Variants in SLC5A11 observed in about 807,000 individuals in gnomAD.
SLC5A11 encodes solute carrier family 5 member 11.
A neutral mutation model predicts 69.8 loss-of-function variants in SLC5A11; 48 were observed. The ratio of observed to expected loss-of-function variants is 0.69; its 90% CI spans 0.55 to 0.87. SLC5A11 has a LOEUF of 0.87. Among genes scored for constraint, SLC5A11 ranks in the 40% least tolerant of loss-of-function variants. The pLI is 0.00. For synonymous variants in SLC5A11, 319 were observed against 342.4 expected (o/e 0.93, Z 0.75); for missense variants, 784 against 866.1 (o/e 0.91, Z 1.19).
In SLC5A11 at chr16:24,901,958, G is replaced by GCGCACACACACACACACACA. The variant is rs976595625; in HGVS notation, c.1006+3850_1006+3851insGCACACACACACACACACAC. Reference sequence around the variant, plus strand: ...CACACACACACACACACACACACACGCACACACACACACACACACACACAT... The same window carrying GCGCACACACACACACACACA: ...CACACACACACACACACACACACACGCGCACACACACACACACACACACACACACACACACACACACACAT... On this transcript the variant is annotated intron_variant, in intron 10 of 15. Coordinates refer to ENST00000347898, the Ensembl canonical transcript of SLC5A11. Among the ~76,000 whole-genome samples the GCGCACACACACACACACACA allele has an allele frequency of 3.1e-3, 422 of 136,648 alleles. 4 individuals are homozygous for GCGCACACACACACACACACA. Among genetic ancestry groups the GCGCACACACACACACACACA allele is most frequent in the African/African-American group, 0.011 (401 of 36,434 alleles). 89.6% of individuals were successfully genotyped at this position (136,648 alleles called of 152,430 possible).
chr16:24,907,907 A>C lies in SLC5A11; in HGVS notation c.1266-56A>C. The C allele has an allele frequency of 1.9e-6, 3 of 1,575,032 alleles. No individual in the cohort carries two copies. In the East Asian group the frequency reaches 6.7e-5, roughly 35 times the overall value. On this transcript the variant is annotated intron_variant, in intron 12 of 15. Transcript: ENST00000347898. ...TCTATTAAAAGAGACAGAGAGAGGG[A>C]AAGAGGAGTAAATGTTCAGATGATG...
chr16:24,876,984 A>T, intron 6 of SLC5A11: 1 of 899,348 alleles, frequency 1.1e-6, no homozygotes, highest in Non-Finnish European at 1.5e-6. Context: ...TATGGTATTT[A>T]ATGAAGGTTG....
At chr16:24,910,532 G>GAT (rs2050440997) in intron 15 of SLC5A11, 55 bp downstream of exon 16, 1 of 1,374,968 alleles carries the variant, frequency 7.3e-7, no homozygotes. Flanking sequence ...TAAAGGGATT[G>GAT]ATTTTTTTTT....
chr16:24,849,922 G>C (rs190097794), intron 1 of SLC5A11, among the ~76,000 whole-genome samples: 47 of 151,854 alleles, frequency 3.1e-4, no homozygotes, highest in African/African-American at 1.0e-3. Context: ...CAAATCCTGA[G>C]ATGTCTTTTT....
In SLC5A11 at chr16:24,866,453, C is replaced by T. The variant is rs1056220932; in HGVS notation, c.208-3448C>T. On this transcript the variant is annotated intron_variant, in intron 3 of 15. Coordinates refer to ENST00000347898, the Ensembl canonical transcript of SLC5A11. Reference sequence around the variant, plus strand: ...ACCTCTACCAAAAATGCACATGTGCCTGTAGTCCCAGCTACTCAGGGAAGC... The same window carrying T: ...ACCTCTACCAAAAATGCACATGTGCTTGTAGTCCCAGCTACTCAGGGAAGC... Among the ~76,000 whole-genome samples, 7 of 151,688 alleles carry T rather than the reference C, an allele frequency of 4.6e-5. No homozygotes were observed. The East Asian group carries it at 1.2e-3, about 25-fold the overall frequency.
chr16:24,878,679 C>T (rs1181230874), intron 7 of SLC5A11, among the ~76,000 whole-genome samples: 2 of 152,148 alleles, frequency 1.3e-5, no homozygotes, highest in South Asian at 2.1e-4. Context: ...GTAAGCAAGA[C>T]AAATATCTCT....
chr16:24,890,718 A>C, intron 8 of SLC5A11, 151 bp from the exon 10 acceptor site: 2 of 680,824 alleles, frequency 2.9e-6, no homozygotes, highest in Middle Eastern at 3.4e-4. Flanking sequence ...TAAGTTAAAA[A>C]AATGTGGGGA....
At chr16:24,861,865 G>A (rs1465171123) in intron 2 of SLC5A11, 3 of 152,158 alleles carry the variant, frequency 2.0e-5, no homozygotes, top group Non-Finnish European at 4.4e-5. Flanking sequence ...GGGGCGTTTC[G>A]AGGGTGATTA....
intron 8 of SLC5A11, among the ~76,000 whole-genome samples, chr16:24,890,372 T>G (rs190935462): frequency 6.6e-6 from 1 of 151,028 alleles, no homozygotes; most frequent in East Asian, 2.0e-4. Context: ...TAATCCCAGC[T>G]ACTCAGGAGG....
intron 9 of SLC5A11, among the ~76,000 whole-genome samples, chr16:24,891,877 G>A (rs112627434): frequency 0.013 from 1,917 of 152,044 alleles, 49 homozygotes; most frequent in African/African-American, 0.044. Context: ...AGATGTTAAA[G>A]TTTGATAAAT....
chr16:24,895,583 A>C (rs2049102457), intron 9 of SLC5A11, among the ~76,000 whole-genome samples: 1 of 104,034 alleles, frequency 9.6e-6, no homozygotes. Context: ...AAGGGAGGGA[A>C]GGGAAAAGGA....
chr16:24,890,683 A>G (rs1278977424), intron 8 of SLC5A11, among the ~76,000 whole-genome samples, 186 bp from the exon 10 acceptor site: 1 of 152,080 alleles, frequency 6.6e-6, no homozygotes, highest in African/African-American at 2.4e-5. Flanking sequence ...ATTATAGTCC[A>G]ATAAAACTCT....
In SLC5A11 at chr16:24,871,032, C is replaced by T. The variant is rs1413184771; in HGVS notation, c.312+1027C>T. Among the ~76,000 whole-genome samples the T allele has an allele frequency of 3.3e-5, 5 of 152,078 alleles. No individual in the cohort carries two copies. In the South Asian group the frequency reaches 6.2e-4, roughly 19 times the overall value. ...GATATGATTTTTACTGGGGTCAGGG[C>T]AGGGAGGGGATTATTAATAATGATC... On this transcript the variant is annotated intron_variant, in intron 4 of 15. Transcript: ENST00000347898.
exon 12 of SLC5A11, chr16:24,907,072 T>C (rs763971154): frequency 4.3e-5 from 69 of 1,614,120 alleles, no homozygotes; most frequent in Non-Finnish European, 5.7e-5. Flanking sequence ...TCTCATGTCC[T>C]CCCTCACCTC....
At chr16:24,849,593 A>AAAAAAAAAAATATATATATATATATAT in intron 1 of SLC5A11, among the ~76,000 whole-genome samples, 1 of 35,908 alleles carries the variant, frequency 2.8e-5, no homozygotes, top group Non-Finnish European at 5.6e-5. Context: ...AAAAAAAAAA[A>AAAAAAAAAAATATATATATATATATAT]ATATATATAT....
chr16:24,901,042 C>T lies in SLC5A11; in HGVS notation c.1006+2933C>T, dbSNP rs565095564. 3.3e-5 allele frequency among the ~76,000 whole-genome samples: 5 copies of T among 151,970 alleles called. No individual in the cohort carries two copies. In the South Asian group the frequency reaches 1.0e-3, roughly 32 times the overall value. On this transcript the variant is annotated intron_variant, in intron 10 of 15. Transcript: ENST00000347898. ...TGGAGTGTGGATATGAATATGGATT[C>T]TGATCTGGAAGGCCCAGGCCTGAAT...
intron 8 of SLC5A11, among the ~76,000 whole-genome samples, chr16:24,886,324 C>T (rs533970112): frequency 5.3e-5 from 8 of 152,054 alleles, no homozygotes; most frequent in Admixed American, 2.0e-4. Context: ...TGAGCCACCA[C>T]GCCCGGCTGA....
chr16:24,863,533 G>GC (rs145068931), intron 3 of SLC5A11, among the ~76,000 whole-genome samples: 3,101 of 152,154 alleles, frequency 0.02, 99 homozygotes, highest in African/African-American at 0.07. Flanking sequence ...TAAATTACAG[G>GC]CCCGCACAGT....
At position 24,905,269 on chromosome 16, in the gene SLC5A11, C is replaced by CAA. The variant is rs34703027; in HGVS notation, c.1007-1362_1007-1361dup. 7.9e-3 allele frequency among the ~76,000 whole-genome samples: 634 copies of CAA among 80,336 alleles called. 30 individuals are homozygous for CAA. Among genetic ancestry groups the CAA allele is most frequent in the African/African-American group, 0.026 (506 of 19,442 alleles). 52.7% of individuals were successfully genotyped at this position (80,336 alleles called of 152,430 possible). A position where few individuals can be genotyped will look rare whatever the true frequency, so the allele number is the denominator to read the frequency against. On this transcript the variant is annotated intron_variant, in intron 10 of 15. Coordinates refer to ENST00000347898, the Ensembl canonical transcript of SLC5A11. Reference sequence around the variant, plus strand: ...TGGAACCCCGTCTCTACTAAAAATACAAAAAAAAAAAAAAAAAAAAAAAAA... The same window carrying CAA: ...TGGAACCCCGTCTCTACTAAAAATACAAAAAAAAAAAAAAAAAAAAAAAAAAA...
Sources: gnomAD v4.1 joint callset for allele counts (sites outside exome capture counted in the v4.1 genomes callset) on GRCh38, gnomAD v4.1.1 for gene constraint, MANE v1.5 for transcripts, NCBI Gene and HGNC (gene_info 2026-07-23, HGNC 2026-07-21) for gene names.